The following FBLN2 variants were observed in gnomAD, a reference collection of about 807,000 sequenced individuals.
The protein encoded by FBLN2 is fibulin-2.
FBLN2 carries 81 observed loss-of-function variants against 123.7 expected under a neutral mutation model. That is an observed-to-expected ratio of 0.65 (90% confidence interval 0.55 to 0.79). The LOEUF is 0.79. Ranked by LOEUF, FBLN2 falls within the 30% of genes least tolerant of loss-of-function variation. FBLN2 has a pLI of 0.00. For missense variants in FBLN2, 1,603 were observed against 1,681.3 expected, an observed-to-expected ratio of 0.95 and a Z score of 0.81; for synonymous variants, 699 against 701.4, an observed-to-expected ratio of 1.00 and a Z score of 0.05.
At chr3:13,589,479 C>T (rs936826299) in intron 2 of FBLN2, among the ~76,000 whole-genome samples, 38 of 152,264 alleles carry the variant, frequency 2.5e-4, no homozygotes, top group African/African-American at 8.4e-4. Flanking sequence ...AGGGTTCCAC[C>T]TGGAACCCCA....
chr3:13,595,058 G>C (rs867017177), intron 2 of FBLN2, among the ~76,000 whole-genome samples: 12 of 152,346 alleles, frequency 7.9e-5, no homozygotes, highest in African/African-American at 2.9e-4. Context: ...TTCCACAGCT[G>C]TCTGCTGGTC....
chr3:13,620,423 C>T (rs1705810126), intron 8 of FBLN2, among the ~76,000 whole-genome samples: 1 of 152,148 alleles, frequency 6.6e-6, no homozygotes. Context: ...GGCTGGACAG[C>T]AGGAATGCCT....
intron 10 of FBLN2, 78 bp downstream of exon 10, chr3:13,626,657 C>G (rs1271893818): frequency 1.4e-6 from 2 of 1,424,118 alleles, no homozygotes; most frequent in Non-Finnish European, 1.9e-6. Flanking sequence ...GGTCCCACCC[C>G]TGTCCTGCCC....
At chr3:13,597,957 C>T (rs1704901024) in intron 2 of FBLN2, among the ~76,000 whole-genome samples, 1 of 152,206 alleles carries the variant, frequency 6.6e-6, no homozygotes, top group Non-Finnish European at 1.5e-5. Flanking sequence ...TGGGAGAGCA[C>T]CTGCGTCTCT....
intron 15 of FBLN2, among the ~76,000 whole-genome samples, 166 bp downstream of exon 15, chr3:13,630,981 T>C (rs187641396): frequency 7.9e-5 from 12 of 152,158 alleles, no homozygotes; most frequent in Non-Finnish European, 1.6e-4. Context: ...CTTGGGCAGA[T>C]TGCCTCTCCA....
At chr3:13,552,406 G>C (rs55913658) in intron 1 of FBLN2, among the ~76,000 whole-genome samples, 121,482 of 152,112 alleles carry the variant, frequency 0.8, 49,083 homozygotes, top group East Asian at 1. Context: ...TGTCCTGCCC[G>C]GTGGTGGACG....
intron 2 of FBLN2, among the ~76,000 whole-genome samples, chr3:13,599,197 G>A (rs559794246): frequency 6.6e-6 from 1 of 152,348 alleles, no homozygotes; most frequent in East Asian, 1.9e-4. Flanking sequence ...GACCAGGTAA[G>A]ATGATGTGAT....
chr3:13,572,772 C>T (rs368346297), intron 2 of FBLN2, among the ~76,000 whole-genome samples: 1 of 152,224 alleles, frequency 6.6e-6, no homozygotes, highest in African/African-American at 2.4e-5. Context: ...CCTCAAAGGG[C>T]GCTGCTGCTA....
intron 5 of FBLN2, among the ~76,000 whole-genome samples, chr3:13,617,284 A>G (rs1705651682): frequency 6.6e-6 from 1 of 150,982 alleles, no homozygotes; most frequent in Non-Finnish European, 1.5e-5. Flanking sequence ...CCACTCTTTC[A>G]TCTACCCATT....
At chr3:13,573,151 A>G (rs761339126) in intron 2 of FBLN2, among the ~76,000 whole-genome samples, 1 of 150,556 alleles carries the variant, frequency 6.6e-6, no homozygotes, top group Non-Finnish European at 1.5e-5. Flanking sequence ...CTCAAACACA[A>G]ATCAGATCAT....
chr3:13,604,351 G>T (rs941338634), intron 2 of FBLN2, among the ~76,000 whole-genome samples: 6 of 152,080 alleles, frequency 3.9e-5, no homozygotes, highest in Non-Finnish European at 8.8e-5. Flanking sequence ...TTCTTCTAGG[G>T]TTTTTATGGT....
chr3:13,575,780 C>T (rs1441552951), intron 2 of FBLN2, among the ~76,000 whole-genome samples: 1 of 152,126 alleles, frequency 6.6e-6, no homozygotes, highest in Non-Finnish European at 1.5e-5. Context: ...GCATGCCCTC[C>T]CTGGCACACG....
Position 13,618,165 on chromosome 3 carries a change from G to A in FBLN2, c.1819G>A (p.Glu607Lys). The change falls in exon 6 of 18, where the codon GAG (glutamate) becomes AAG (lysine). Residue 607 changes from glutamate to lysine, a missense_variant. Coordinates refer to ENST00000404922, the MANE Select transcript of FBLN2 (RefSeq NM_001004019.2). ...CAGCCTGCCGGGCGATGACCAGGAT[G>A]AGTGCCTTCTCCTCCCGGGAGAGCT... Reference protein sequence around the residue: ...PNSLPGDDQDECLLLPGELCQ... With the variant: ...PNSLPGDDQDKCLLLPGELCQ... 1 of 1,613,766 alleles carries A rather than the reference G, an allele frequency of 6.2e-7. No homozygotes were observed. Among genetic ancestry groups the A allele is most frequent in the Non-Finnish European group, 8.5e-7 (1 of 1,179,906 alleles).
chr3:13,591,946 C>T (rs1203399085), intron 2 of FBLN2, among the ~76,000 whole-genome samples: 1 of 151,622 alleles, frequency 6.6e-6, no homozygotes, highest in African/African-American at 2.4e-5. Flanking sequence ...CTTTCCCCTA[C>T]TGCGTTACAT....
chr3:13,615,089 TC>T (rs1705553662), intron 5 of FBLN2, among the ~76,000 whole-genome samples: 1 of 152,254 alleles, frequency 6.6e-6, no homozygotes, highest in Non-Finnish European at 1.5e-5. Flanking sequence ...TAGCCACTGT[TC>T]CAGCTGCCAT....
At chr3:13,598,805 AG>A (rs969207204) in intron 2 of FBLN2, among the ~76,000 whole-genome samples, 1 of 152,214 alleles carries the variant, frequency 6.6e-6, no homozygotes, top group Non-Finnish European at 1.5e-5. Flanking sequence ...GCCACCCGAC[AG>A]GGACATCATG....
chr3:13,569,950 G>A (rs1301951471), intron 1 of FBLN2, among the ~76,000 whole-genome samples: 1 of 152,124 alleles, frequency 6.6e-6, no homozygotes, highest in African/African-American at 2.4e-5. Context: ...GCCCTGGTGA[G>A]TGTGACCGAG....
At chr3:13,593,692 C>T (rs1056220424) in intron 2 of FBLN2, among the ~76,000 whole-genome samples, 4 of 134,250 alleles carry the variant, frequency 3.0e-5, no homozygotes, top group South Asian at 2.3e-4. Flanking sequence ...CCAGCCTGGG[C>T]GACAGAGTGA....
intron 2 of FBLN2, among the ~76,000 whole-genome samples, chr3:13,571,985 C>T (rs1387870550): frequency 1.3e-5 from 2 of 152,182 alleles, no homozygotes; most frequent in Admixed American, 6.5e-5. Flanking sequence ...GGGTTCCTGC[C>T]TCAGCCCGGT....
Sources: gnomAD v4.1 joint callset for allele counts (sites outside exome capture counted in the v4.1 genomes callset) on GRCh38, gnomAD v4.1.1 for gene constraint, MANE v1.5 for transcripts, NCBI Gene and HGNC (gene_info 2026-07-23, HGNC 2026-07-21) for gene names.